The following DACH1 variants were observed in gnomAD, a reference collection of about 807,000 sequenced individuals.
DACH1 encodes the protein dachshund family transcription factor 1, also known as dachshund homolog 1.
In DACH1, 12 loss-of-function variants were observed where a neutral mutation model predicts 54.2. The ratio of observed to expected loss-of-function variants is 0.22; its 90% CI spans 0.14 to 0.36. The LOEUF is 0.36. DACH1 is among the 10% of genes least tolerant of loss of function. The probability of loss-of-function intolerance (pLI) is 1.00; values close to 1 mark genes in which losing one functional copy is unlikely to be tolerated. For missense variants in DACH1, 805 were observed against 929.8 expected (o/e 0.87, Z 1.75); for synonymous variants, 386 against 366.2 (o/e 1.05, Z -0.62).
At chr13:71,685,737 C>G (rs1881127088) in intron 1 of DACH1, among the ~76,000 whole-genome samples, 1 of 152,048 alleles carries the variant, frequency 6.6e-6, no homozygotes, top group Non-Finnish European at 1.5e-5. Context: ...TAGGGAACCT[C>G]CAAGAGAACA....
chr13:71,466,529 T>C (rs538618899), intron 10 of DACH1, among the ~76,000 whole-genome samples: 5 of 152,268 alleles, frequency 3.3e-5, no homozygotes, highest in South Asian at 4.1e-4. Context: ...AACCCCCTAT[T>C]ACATTATTTT....
intron 1 of DACH1, among the ~76,000 whole-genome samples, chr13:71,775,236 G>A (rs1163728459): frequency 6.8e-6 from 1 of 146,802 alleles, no homozygotes; most frequent in Non-Finnish European, 1.5e-5. Context: ...CCAGGAGCTT[G>A]AGGCTATAGT....
intron 1 of DACH1, among the ~76,000 whole-genome samples, chr13:71,759,622 GAACT>G (rs2138003704): frequency 6.6e-6 from 1 of 152,254 alleles, no homozygotes; most frequent in East Asian, 1.9e-4. Context: ...GGAGGCTCTT[GAACT>G]ATAGTTGTCA....
At chr13:71,693,886 T>C (rs1881667090) in intron 1 of DACH1, among the ~76,000 whole-genome samples, 1 of 152,110 alleles carries the variant, frequency 6.6e-6, no homozygotes, top group Non-Finnish European at 1.5e-5. Context: ...CAAGCAACCA[T>C]GGGGGGTCTT....
intron 9 of DACH1, 145 bp from the exon 10 acceptor site, chr13:71,475,354 C>A: frequency 1.4e-6 from 1 of 739,514 alleles, no homozygotes; most frequent in Non-Finnish European, 2.2e-6. Flanking sequence ...AAAACTGTAA[C>A]CGTAAGAATT....
chr13:71,615,304 AAC>A (rs1875677942), intron 3 of DACH1, among the ~76,000 whole-genome samples: 1 of 152,202 alleles, frequency 6.6e-6, no homozygotes, highest in African/African-American at 2.4e-5. Context: ...AATAGTAATT[AAC>A]ACAGTCTTAA....
chr13:71,711,808 A>G (rs2138779851), intron 1 of DACH1, among the ~76,000 whole-genome samples: 1 of 152,270 alleles, frequency 6.6e-6, no homozygotes, highest in Admixed American at 6.5e-5. Context: ...AAGTCACATG[A>G]GGAATGTTTT....
intron 1 of DACH1, among the ~76,000 whole-genome samples, chr13:71,805,112 T>C (rs1298256769): frequency 6.6e-6 from 1 of 152,182 alleles, no homozygotes; most frequent in East Asian, 1.9e-4. Context: ...CTGAACCAAA[T>C]GGGGCGTAGA....
intron 1 of DACH1, among the ~76,000 whole-genome samples, chr13:71,815,541 A>G (rs1046444907): frequency 6.6e-6 from 1 of 152,244 alleles, no homozygotes; most frequent in East Asian, 1.9e-4. Context: ...AGAATTTAAA[A>G]TAATTGAAAA....
intron 1 of DACH1, among the ~76,000 whole-genome samples, chr13:71,733,959 G>A (rs1883869452): frequency 6.6e-6 from 1 of 152,076 alleles, no homozygotes; most frequent in Admixed American, 6.5e-5. Context: ...TGATGCAGGA[G>A]AAGCACTTGA....
At chr13:71,491,678 G>T (rs1461748819) in intron 6 of DACH1, among the ~76,000 whole-genome samples, 1 of 152,094 alleles carries the variant, frequency 6.6e-6, no homozygotes, top group Non-Finnish European at 1.5e-5. Flanking sequence ...ACTACTTGAA[G>T]ATCAAACAAA....
At chr13:71,740,650 C>T (rs1183562400) in intron 1 of DACH1, among the ~76,000 whole-genome samples, 1 of 152,098 alleles carries the variant, frequency 6.6e-6, no homozygotes, top group Admixed American at 6.5e-5. Context: ...TAGCAACAGT[C>T]ATAAAGCTGA....
At chr13:71,634,258 C>A (rs147727474) in intron 2 of DACH1, among the ~76,000 whole-genome samples, 4 of 152,242 alleles carry the variant, frequency 2.6e-5, no homozygotes, top group Admixed American at 6.5e-5. Context: ...CAGGCATGAG[C>A]CACGGCACCT....
chr13:71,545,009 C>T (rs924929412), intron 6 of DACH1, among the ~76,000 whole-genome samples: 2 of 152,058 alleles, frequency 1.3e-5, no homozygotes, highest in African/African-American at 4.8e-5. Flanking sequence ...TATCTTACTT[C>T]TATGAGCTGT....
At chr13:71,538,704 C>T (rs1446971794) in intron 6 of DACH1, among the ~76,000 whole-genome samples, 1 of 152,058 alleles carries the variant, frequency 6.6e-6, no homozygotes, top group East Asian at 1.9e-4. Context: ...CAGCATAGTA[C>T]ATTTAGTTTA....
chr13:71,572,498 C>T (rs1885273438), intron 4 of DACH1, among the ~76,000 whole-genome samples: 1 of 152,234 alleles, frequency 6.6e-6, no homozygotes, highest in Non-Finnish European at 1.5e-5. Context: ...AGTGGCAAAA[C>T]TTATCCCTTC....
chr13:71,803,431 T>C (rs767568806), intron 1 of DACH1, among the ~76,000 whole-genome samples: 4 of 152,186 alleles, frequency 2.6e-5, no homozygotes, highest in African/African-American at 4.8e-5. Flanking sequence ...TTAAAACTTA[T>C]ATTTACAAAT....
intron 1 of DACH1, among the ~76,000 whole-genome samples, chr13:71,864,143 T>G (rs1874537902): frequency 7.3e-6 from 1 of 137,000 alleles, no homozygotes; most frequent in Non-Finnish European, 1.6e-5. Flanking sequence ...CCATCTTTAC[T>G]GCCACCTGTC....
intron 6 of DACH1, among the ~76,000 whole-genome samples, chr13:71,555,912 T>C (rs558991306): frequency 6.6e-6 from 1 of 152,306 alleles, no homozygotes; most frequent in Non-Finnish European, 1.5e-5. Context: ...CAATTATGCC[T>C]AGATGTTAAC....
Sources: allele counts gnomAD v4.1 joint callset (sites outside exome capture counted in the v4.1 genomes callset), GRCh38; gene constraint gnomAD v4.1.1; transcripts MANE v1.5; gene names NCBI Gene and HGNC (gene_info 2026-07-23, HGNC 2026-07-21).